The following RANBP17 variants were observed in gnomAD, a reference collection of about 807,000 sequenced individuals.
The protein encoded by RANBP17 is RAN binding protein 17.
RANBP17 carries 158 observed loss-of-function variants against 141.2 expected under a neutral mutation model. That is an observed-to-expected ratio of 1.12 (90% CI 0.98 to 1.28). RANBP17 has a LOEUF of 1.28. Among genes scored for constraint, RANBP17 ranks in the 50% most tolerant of loss-of-function variants. The pLI is 0.00. For missense variants in RANBP17, 1,438 were observed against 1,290.7 expected, an observed-to-expected ratio of 1.11 and a Z score of -1.75; for synonymous variants, 430 against 450.0, an observed-to-expected ratio of 0.96 and a Z score of 0.56.
chr5:171,279,137 C>G (rs1377958557), intron 25 of RANBP17, among the ~76,000 whole-genome samples: 1 of 152,158 alleles, frequency 6.6e-6, no homozygotes, highest in Non-Finnish European at 1.5e-5. Flanking sequence ...TTCTCAAAAT[C>G]ACACTCACTG....
chr5:171,098,819 G>T (rs967317812), intron 14 of RANBP17, among the ~76,000 whole-genome samples: 1 of 152,098 alleles, frequency 6.6e-6, no homozygotes, highest in Non-Finnish European at 1.5e-5. Flanking sequence ...TTTGTATAAG[G>T]TGTAAGGAAG....
chr5:171,248,571 T>C (rs1258520224), intron 24 of RANBP17, among the ~76,000 whole-genome samples: 2 of 152,172 alleles, frequency 1.3e-5, no homozygotes, highest in Non-Finnish European at 2.9e-5. Flanking sequence ...TCTACCCTTA[T>C]GAACTCAACA....
At chr5:171,071,155 C>T (rs911809167) in intron 14 of RANBP17, among the ~76,000 whole-genome samples, 9 of 152,070 alleles carry the variant, frequency 5.9e-5, no homozygotes, top group African/African-American at 9.7e-5. Context: ...TGTAACCTCG[C>T]CATTTTTAAC....
At chr5:171,027,020 G>A (rs914599318) in intron 14 of RANBP17, among the ~76,000 whole-genome samples, 10 of 152,020 alleles carry the variant, frequency 6.6e-5, no homozygotes, top group African/African-American at 1.2e-4. Context: ...TCTAGGTTGC[G>A]GACTCCTCAT....
At chr5:170,865,805 A>C (rs1273429086) in intron 1 of RANBP17, among the ~76,000 whole-genome samples, 2 of 152,200 alleles carry the variant, frequency 1.3e-5, no homozygotes, top group African/African-American at 4.8e-5. Context: ...GAATTCACCG[A>C]AAGTTGTCAT....
chr5:171,255,392 C>T (rs1290876454), intron 24 of RANBP17, among the ~76,000 whole-genome samples: 1 of 151,984 alleles, frequency 6.6e-6, no homozygotes, highest in Non-Finnish European at 1.5e-5. Context: ...TAAAGTACAG[C>T]ATTGAAATAC....
intron 13 of RANBP17, among the ~76,000 whole-genome samples, chr5:170,961,012 C>T (rs149508150): frequency 6.6e-6 from 1 of 152,242 alleles, no homozygotes; most frequent in Non-Finnish European, 1.5e-5. Flanking sequence ...TCCCAAAGTG[C>T]TGGGATTACA....
chr5:170,905,541 GA>G (rs1212834252), intron 5 of RANBP17, among the ~76,000 whole-genome samples: 1 of 152,182 alleles, frequency 6.6e-6, no homozygotes, highest in African/African-American at 2.4e-5. Context: ...AATTTAAAGT[GA>G]TCTCTTAACT....
At position 171,205,514 on chromosome 5, in the gene RANBP17, C is replaced by T. The variant is rs1253703554; in HGVS notation, c.2143-10C>T. The T allele has an allele frequency of 1.2e-6, 2 of 1,612,244 alleles. No homozygotes were observed. The highest frequency in any genetic ancestry group is 2.7e-5 in the African/African-American group (2 of 74,968). On this transcript the variant is annotated splice_polypyrimidine_tract_variant and intron_variant, in intron 19 of 27. Coordinates refer to ENST00000523189, the MANE Select transcript of RANBP17 (RefSeq NM_022897.5). ...GAAAATCAATTACTGTGTCTCTTTC[C>T]CACTGACAGCGTATGTTGATCGGGC...
intron 1 of RANBP17, among the ~76,000 whole-genome samples, chr5:170,873,455 C>T (rs556765202): frequency 5.5e-4 from 83 of 152,208 alleles, no homozygotes; most frequent in Non-Finnish European, 1.0e-3. Flanking sequence ...TGGTAGAATT[C>T]GACTGTGAAT....
intron 22 of RANBP17, among the ~76,000 whole-genome samples, chr5:171,235,366 A>C (rs905293737): frequency 6.8e-6 from 1 of 146,116 alleles, no homozygotes; most frequent in African/African-American, 2.5e-5. Context: ...TGTGACTTGT[A>C]TGCTGATGAG....
chr5:171,041,371 T>A (rs1304404816), intron 14 of RANBP17, among the ~76,000 whole-genome samples: 2 of 152,136 alleles, frequency 1.3e-5, no homozygotes, highest in Non-Finnish European at 2.9e-5. Context: ...GAAACCAAGC[T>A]ACCACCACCA....
intron 14 of RANBP17, among the ~76,000 whole-genome samples, chr5:171,042,667 T>C (rs1016790544): frequency 6.6e-6 from 1 of 152,192 alleles, no homozygotes; most frequent in African/African-American, 2.4e-5. Context: ...TTCTAACTAG[T>C]GTCCTTTTTG....
intron 24 of RANBP17, among the ~76,000 whole-genome samples, chr5:171,264,812 A>G (rs756445115): frequency 2.0e-5 from 3 of 152,194 alleles, no homozygotes; most frequent in East Asian, 3.8e-4. Context: ...TCCAAAATCC[A>G]TATCTTTCCC....
At chr5:171,143,176 G>A (rs1757813849) in intron 14 of RANBP17, 1 of 152,164 alleles carries the variant, frequency 6.6e-6, no homozygotes, top group African/African-American at 2.4e-5. Flanking sequence ...TGGGAAAACA[G>A]AGTTCCAAAT....
chr5:171,233,936 C>G (rs1764365873), intron 22 of RANBP17, among the ~76,000 whole-genome samples: 1 of 152,108 alleles, frequency 6.6e-6, no homozygotes. Flanking sequence ...AACAAATGCA[C>G]CACTCTAGTG....
At chr5:170,954,684 A>T (rs1370201110) in intron 13 of RANBP17, among the ~76,000 whole-genome samples, 2 of 151,852 alleles carry the variant, frequency 1.3e-5, no homozygotes, top group Non-Finnish European at 2.9e-5. Context: ...TTTTTTTATT[A>T]TAAATTACTT....
intron 4 of RANBP17, among the ~76,000 whole-genome samples, chr5:170,894,624 A>G (rs1351302281): frequency 2.6e-5 from 4 of 151,528 alleles, no homozygotes; most frequent in Non-Finnish European, 5.9e-5. Flanking sequence ...TTTTGTCCTA[A>G]AAGTTATTTT....
chr5:171,070,785 A>C (rs1784588100), intron 14 of RANBP17, among the ~76,000 whole-genome samples: 1 of 152,208 alleles, frequency 6.6e-6, no homozygotes, highest in African/African-American at 2.4e-5. Context: ...GTTCTCTGCT[A>C]TATGGAGACT....
Sources: gnomAD v4.1 joint callset for allele counts (sites outside exome capture counted in the v4.1 genomes callset) on GRCh38, gnomAD v4.1.1 for gene constraint, MANE v1.5 for transcripts, NCBI Gene and HGNC (gene_info 2026-07-23, HGNC 2026-07-21) for gene names.